RASSF8: variants seen among roughly 807,000 people sequenced by gnomAD.
RASSF8 encodes ras association domain-containing protein 8.
A neutral mutation model predicts 48.5 loss-of-function variants in RASSF8; 22 were observed. The observed-to-expected ratio is 0.45, with a 90% CI of 0.32 to 0.65. The LOEUF is 0.65. Among genes scored for constraint, RASSF8 ranks in the 30% least tolerant of loss-of-function variants. RASSF8 has a pLI of 0.03. For synonymous variants in RASSF8, 127 were observed against 171.5 expected (o/e 0.74, Z 2.03); for missense variants, 418 against 489.2 (o/e 0.85, Z 1.37).
rs76058097 is a variant in RASSF8 at position 26,014,791 on chromosome 12, G to C, written c.-109+19661G>C. On this transcript the variant is annotated intron_variant, in intron 2 of 5. Coordinates refer to ENST00000689635, the MANE Select transcript of RASSF8 (RefSeq NM_001394098.1). The stretch of plus-strand genomic sequence containing the variant: ...TTGAGAATTGAATTTAAAACTCTGT[G>C]ATATGGCTGTAATTGTGGAAATAAA... Among the ~76,000 whole-genome samples the C allele has an allele frequency of 8.1e-4, 124 of 152,214 alleles. 1 individual carries two copies. In the East Asian group the frequency reaches 0.022, roughly 27 times the overall value.
intron 1 of RASSF8, among the ~76,000 whole-genome samples, chr12:25,963,669 C>T (rs1469703473): frequency 1.3e-5 from 2 of 152,102 alleles, no homozygotes; most frequent in Non-Finnish European, 2.9e-5. Flanking sequence ...CTCTGCAGTC[C>T]ACCTCGGGGG....
At chr12:26,032,046 A>G (rs1943041398) in intron 2 of RASSF8, among the ~76,000 whole-genome samples, 5 of 152,330 alleles carry the variant, frequency 3.3e-5, no homozygotes, top group Admixed American at 3.3e-4. Context: ...GTAGTGACTT[A>G]GGAGAACTAT....
intron 1 of RASSF8, among the ~76,000 whole-genome samples, chr12:25,982,159 A>C (rs1941760385): frequency 6.6e-6 from 1 of 152,216 alleles, no homozygotes; most frequent in Admixed American, 6.5e-5. Context: ...AATAAAATAT[A>C]GAAGGCATGT....
Position 26,040,806 on chromosome 12 carries a change from A to G in RASSF8, c.-108-14430A>G, listed in dbSNP as rs139120243. ...ATATTCATATAGGACTAACATGAAT[A>G]TTTGAGTTCAGTTTGTTAGACTATG... On this transcript the variant is annotated intron_variant, in intron 2 of 5. Coordinates refer to ENST00000689635, the MANE Select transcript of RASSF8 (RefSeq NM_001394098.1). Among the ~76,000 whole-genome samples, 649 of 152,028 alleles carry G rather than the reference A, an allele frequency of 4.3e-3. 20 individuals are homozygous for G. Among genetic ancestry groups the G allele is most frequent in the South Asian group, 0.017 (82 of 4,814 alleles).
chr12:26,056,513 CGCCAGTTTATA>C (rs1395069984), intron 3 of RASSF8, among the ~76,000 whole-genome samples: 1 of 152,176 alleles, frequency 6.6e-6, no homozygotes, highest in African/African-American at 2.4e-5. Context: ...TTTTATGTCT[CGCCAGTTTATA>C]TTGGAAGCAT....
At chr12:26,063,217 T>A (rs1255362268) in intron 3 of RASSF8, among the ~76,000 whole-genome samples, 2 of 152,188 alleles carry the variant, frequency 1.3e-5, no homozygotes, top group Admixed American at 1.3e-4. Context: ...TTTGTAATTA[T>A]TTATGTACAC....
chr12:26,032,720 A>G (rs530899816), intron 2 of RASSF8, among the ~76,000 whole-genome samples: 4 of 152,320 alleles, frequency 2.6e-5, no homozygotes, highest in East Asian at 3.9e-4. Flanking sequence ...CCCAGTTTCC[A>G]TACCCATCTA....
chr12:25,998,984 G>T (rs1322354850), intron 2 of RASSF8, among the ~76,000 whole-genome samples: 1 of 152,052 alleles, frequency 6.6e-6, no homozygotes, highest in African/African-American at 2.4e-5. Context: ...TTTCTAGTCA[G>T]TATATAATTT....
intron 2 of RASSF8, among the ~76,000 whole-genome samples, chr12:26,041,797 A>G (rs1473250137): frequency 6.6e-6 from 1 of 152,214 alleles, no homozygotes; most frequent in African/African-American, 2.4e-5. Context: ...TTTAAAGTAT[A>G]AAGTATACTT....
At chr12:26,044,685 T>C (rs573954894) in intron 2 of RASSF8, among the ~76,000 whole-genome samples, 1 of 152,200 alleles carries the variant, frequency 6.6e-6, no homozygotes, top group Non-Finnish European at 1.5e-5. Flanking sequence ...TCAGTATCAC[T>C]GAAATTTACA....
chr12:26,067,418 T>C, intron 4 of RASSF8, 151 bp from the exon 5 acceptor site: 1 of 824,046 alleles, frequency 1.2e-6, no homozygotes. Context: ...CTTTAGCCCA[T>C]TGTGTCAATA....
At chr12:26,076,477 C>G (rs185437197), downstream of RASSF8, among the ~76,000 whole-genome samples, 1 of 152,124 alleles carries the variant, frequency 6.6e-6, no homozygotes, top group Non-Finnish European at 1.5e-5. Flanking sequence ...CAAGTATTCT[C>G]ATTGTTCAGT....
chr12:26,046,540 A>T (rs1943375964), intron 2 of RASSF8, among the ~76,000 whole-genome samples: 4 of 152,218 alleles, frequency 2.6e-5, no homozygotes, highest in Admixed American at 2.6e-4. Context: ...TTTTTAAAGG[A>T]TTAAATAAAA....
intron 1 of RASSF8, among the ~76,000 whole-genome samples, chr12:25,972,774 C>G: frequency 6.6e-6 from 1 of 152,216 alleles, no homozygotes; most frequent in East Asian, 1.9e-4. Flanking sequence ...CATGTATATG[C>G]ACATGCATAT....
intron 2 of RASSF8, among the ~76,000 whole-genome samples, chr12:25,999,678 C>G (rs1378041422): frequency 3.3e-5 from 5 of 152,122 alleles, no homozygotes; most frequent in South Asian, 2.1e-4. Flanking sequence ...ACAGAGAGTA[C>G]TATTGAAAAG....
chr12:25,978,203 G>C (rs1941655163), intron 1 of RASSF8, among the ~76,000 whole-genome samples: 1 of 152,196 alleles, frequency 6.6e-6, no homozygotes, highest in Non-Finnish European at 1.5e-5. Flanking sequence ...AGAAGCTTCT[G>C]AGATTCTGAT....
chr12:25,995,676 C>T (rs1383487946), intron 2 of RASSF8, among the ~76,000 whole-genome samples: 1 of 152,068 alleles, frequency 6.6e-6, no homozygotes, highest in Non-Finnish European at 1.5e-5. Flanking sequence ...TAAAAATCTC[C>T]TTAGGTAAGG....
At chr12:26,059,387 A>G (rs930654656) in intron 3 of RASSF8, among the ~76,000 whole-genome samples, 2 of 152,230 alleles carry the variant, frequency 1.3e-5, no homozygotes, top group Admixed American at 6.5e-5. Flanking sequence ...TAAAATATCA[A>G]TTTCAGAAAT....
At chr12:25,976,924 C>G (rs1941620789) in intron 1 of RASSF8, among the ~76,000 whole-genome samples, 1 of 152,142 alleles carries the variant, frequency 6.6e-6, no homozygotes, top group African/African-American at 2.4e-5. Context: ...GTGAATTTAG[C>G]CTATAATTCT....
Sources: gnomAD v4.1 joint callset for allele counts (sites outside exome capture counted in the v4.1 genomes callset) on GRCh38, gnomAD v4.1.1 for gene constraint, MANE v1.5 for transcripts, NCBI Gene and HGNC (gene_info 2026-07-23, HGNC 2026-07-21) for gene names.